Variants in TCF4 observed in about 807,000 individuals in gnomAD.
The protein encoded by TCF4 is SL3-3 enhancer factor 2.
In TCF4, 3 loss-of-function variants were observed where a neutral mutation model predicts 82.1. The observed-to-expected ratio is 0.04, with a 90% CI of 0.02 to 0.09. The LOEUF (loss-of-function observed/expected upper bound fraction) is 0.09, where lower values mean the gene tolerates loss of function less well. TCF4 is among the 10% of genes least tolerant of loss of function. The pLI is 1.00. For synonymous variants in TCF4, 276 were observed against 309.6 expected (o/e 0.89, Z 1.14); for missense variants, 518 against 852.7 (o/e 0.61, Z 4.89).
intron 3 of TCF4, among the ~76,000 whole-genome samples, chr18:55,571,812 T>C (rs1194261372): frequency 2.0e-5 from 3 of 146,762 alleles, no homozygotes; most frequent in Non-Finnish European, 4.5e-5. Context: ...ACACACATCA[T>C]AATTCAGCCT....
chr18:55,257,285 G>C (rs1035142102), intron 14 of TCF4, 30 bp downstream of exon 14: 4 of 1,603,064 alleles, frequency 2.5e-6, no homozygotes, highest in Non-Finnish European at 3.4e-6. Context: ...CTGAAAATGG[G>C]TGGGACAGAG....
At chr18:55,580,742 A>ATATG (rs1555779599) in intron 3 of TCF4, among the ~76,000 whole-genome samples, 6 of 145,284 alleles carry the variant, frequency 4.1e-5, no homozygotes, top group African/African-American at 1.5e-4. Flanking sequence ...GAGCTGTCTG[A>ATATG]TGTGTGTGTG....
chr18:55,462,174 G>A (rs538859360), intron 4 of TCF4, among the ~76,000 whole-genome samples: 1 of 152,178 alleles, frequency 6.6e-6, no homozygotes, highest in Admixed American at 6.5e-5. Context: ...ACCTTTCCTC[G>A]TGTATAACAA....
intron 8 of TCF4, among the ~76,000 whole-genome samples, chr18:55,346,717 G>A (rs926774922): frequency 6.6e-6 from 1 of 152,102 alleles, no homozygotes; most frequent in African/African-American, 2.4e-5. Context: ...CTGATAAAAC[G>A]TATATAATTT....
chr18:55,272,690 C>T (rs1450577192), intron 10 of TCF4, among the ~76,000 whole-genome samples: 1 of 151,934 alleles, frequency 6.6e-6, no homozygotes, highest in South Asian at 2.1e-4. Flanking sequence ...TCTTTTGTGC[C>T]AGACAATTCT....
intron 3 of TCF4, among the ~76,000 whole-genome samples, chr18:55,478,129 A>G (rs2096338223): frequency 6.6e-6 from 1 of 152,232 alleles, no homozygotes. Flanking sequence ...GGAAAGCCGG[A>G]GCTGTCAGTA....
chr18:55,532,100 G>A (rs1255879856), intron 3 of TCF4, among the ~76,000 whole-genome samples: 1 of 152,186 alleles, frequency 6.6e-6, no homozygotes, highest in African/African-American at 2.4e-5. Flanking sequence ...AAGGTAATTA[G>A]GAGTAAGCAC....
At chr18:55,363,496 C>T (rs1032642306) in intron 6 of TCF4, among the ~76,000 whole-genome samples, 2 of 152,140 alleles carry the variant, frequency 1.3e-5, no homozygotes, top group Non-Finnish European at 2.9e-5. Flanking sequence ...ACCCAGACTA[C>T]ATACTCGTTT....
intron 2 of TCF4, chr18:55,586,180 CAGCAG>C (rs2097648004): frequency 6.5e-6 from 4 of 617,062 alleles, no homozygotes; most frequent in East Asian, 9.0e-5. Flanking sequence ...GCAGCAGCAG[CAGCAG>C]CAGCAGCAGC....
At chr18:55,248,673 A>T (rs2054065831) in intron 15 of TCF4, among the ~76,000 whole-genome samples, 1 of 152,234 alleles carries the variant, frequency 6.6e-6, no homozygotes. Context: ...TTATGGTATT[A>T]GGGTAAAGAG....
intron 8 of TCF4, chr18:55,321,952 G>C: frequency 7.4e-7 from 1 of 1,358,302 alleles, no homozygotes; most frequent in Non-Finnish European, 9.5e-7. Flanking sequence ...GGAGCTGGAA[G>C]GCAGCCCGGC....
intron 5 of TCF4, among the ~76,000 whole-genome samples, chr18:55,441,614 T>C (rs1371274442): frequency 6.6e-6 from 1 of 152,218 alleles, no homozygotes; most frequent in African/African-American, 2.4e-5. Flanking sequence ...TTGAGCTAGA[T>C]GGTAGATACC....
chr18:55,520,002 C>T (rs1024904695), intron 3 of TCF4, among the ~76,000 whole-genome samples: 113 of 152,178 alleles, frequency 7.4e-4, no homozygotes, highest in African/African-American at 2.6e-3. Context: ...CCTCCACCTT[C>T]CCATCCCCTG....
intron 8 of TCF4, among the ~76,000 whole-genome samples, chr18:55,329,015 T>C (rs2077056971): frequency 6.6e-6 from 1 of 152,100 alleles, no homozygotes; most frequent in Admixed American, 6.6e-5. Context: ...GAACAAACAA[T>C]TGTCAAATAC....
chr18:55,348,233 G>C (rs1417925038), intron 8 of TCF4, among the ~76,000 whole-genome samples: 27 of 152,016 alleles, frequency 1.8e-4, no homozygotes, highest in Admixed American at 1.8e-3. Context: ...GATTTTTTTA[G>C]GTAATGAGTA....
At chr18:55,598,286 C>A (rs1480958663) in intron 2 of TCF4, among the ~76,000 whole-genome samples, 1 of 152,092 alleles carries the variant, frequency 6.6e-6, no homozygotes, top group Non-Finnish European at 1.5e-5. Context: ...GATGAGAAGG[C>A]TAGAGAGTAA....
intron 8 of TCF4, among the ~76,000 whole-genome samples, chr18:55,283,872 T>C (rs2146372082): frequency 6.6e-6 from 1 of 152,352 alleles, no homozygotes; most frequent in South Asian, 2.1e-4. Flanking sequence ...TGCCATTGTT[T>C]GTATTATTTG....
intron 3 of TCF4, among the ~76,000 whole-genome samples, chr18:55,524,866 T>C (rs1412293069): frequency 1.3e-5 from 2 of 152,102 alleles, no homozygotes; most frequent in Non-Finnish European, 2.9e-5. Flanking sequence ...AATGGTCAAT[T>C]ATCTAATTAG....
intron 15 of TCF4, among the ~76,000 whole-genome samples, chr18:55,241,003 T>A (rs988796677): frequency 6.6e-6 from 1 of 152,230 alleles, no homozygotes; most frequent in Non-Finnish European, 1.5e-5. Context: ...TGGAGATTTA[T>A]TTAATATTGA....
Sources: gnomAD v4.1 joint callset for allele counts (sites outside exome capture counted in the v4.1 genomes callset) on GRCh38, gnomAD v4.1.1 for gene constraint, MANE v1.5 for transcripts, NCBI Gene and HGNC (gene_info 2026-07-23, HGNC 2026-07-21) for gene names.